Variants in CDC42BPA observed in about 807,000 individuals in gnomAD.
CDC42BPA encodes CDC42 binding protein kinase alpha.
Under a neutral mutation model 223.5 loss-of-function variants are expected in CDC42BPA, and 80 were observed. That is an observed-to-expected ratio of 0.36 (90% CI 0.30 to 0.43). The LOEUF is 0.43. Ranked by LOEUF, CDC42BPA falls within the 20% of genes least tolerant of loss-of-function variation. CDC42BPA has a pLI of 1.00. For missense variants in CDC42BPA, 1,743 were observed against 2,099.9 expected, an observed-to-expected ratio of 0.83 and a Z score of 3.32; for synonymous variants, 694 against 718.6, an observed-to-expected ratio of 0.97 and a Z score of 0.55.
intron 1 of CDC42BPA, among the ~76,000 whole-genome samples, chr1:227,289,388 T>C (rs542515953): frequency 3.3e-5 from 5 of 152,294 alleles, no homozygotes; most frequent in African/African-American, 1.2e-4. Flanking sequence ...TTACCCAAGA[T>C]AGTCACATGG....
At chr1:227,136,446 A>G (rs1350822695) in intron 10 of CDC42BPA, among the ~76,000 whole-genome samples, 5 of 152,220 alleles carry the variant, frequency 3.3e-5, no homozygotes, top group Non-Finnish European at 7.4e-5. Flanking sequence ...AGGAGAGGAG[A>G]AAGTGCATGA....
At chr1:227,203,747 C>T (rs1487195178) in intron 3 of CDC42BPA, among the ~76,000 whole-genome samples, 1 of 152,158 alleles carries the variant, frequency 6.6e-6, no homozygotes, top group African/African-American at 2.4e-5. Context: ...AACTGTTATA[C>T]AGTTTTCCTT....
chr1:227,106,690 T>C (rs564554108), intron 14 of CDC42BPA, among the ~76,000 whole-genome samples: 3 of 152,348 alleles, frequency 2.0e-5, no homozygotes, highest in African/African-American at 7.2e-5. Context: ...TTGAGTTTTA[T>C]AGTTGTAGCT....
At chr1:227,106,791 C>G (rs182424986) in intron 14 of CDC42BPA, among the ~76,000 whole-genome samples, 24 of 152,262 alleles carry the variant, frequency 1.6e-4, no homozygotes, top group African/African-American at 5.5e-4. Flanking sequence ...GGTTAATATT[C>G]AGTTGTCCCA....
chr1:227,082,443 G>A (rs1572691307), intron 16 of CDC42BPA, among the ~76,000 whole-genome samples: 2 of 151,790 alleles, frequency 1.3e-5, no homozygotes, highest in East Asian at 1.9e-4. Context: ...GGCTGGGCAC[G>A]GTGGCTCACA....
At chr1:227,059,644 G>A (rs1023854401) in intron 21 of CDC42BPA, among the ~76,000 whole-genome samples, 8 of 152,178 alleles carry the variant, frequency 5.3e-5, no homozygotes, top group African/African-American at 7.2e-5. Flanking sequence ...CATGTACAGT[G>A]ACCCACAAAA....
At chr1:227,173,903 T>C (rs750104525) in intron 5 of CDC42BPA, among the ~76,000 whole-genome samples, 4 of 152,132 alleles carry the variant, frequency 2.6e-5, no homozygotes, top group African/African-American at 7.2e-5. Flanking sequence ...GAACTTCCAA[T>C]TGGTGTCAGA....
intron 2 of CDC42BPA, among the ~76,000 whole-genome samples, chr1:227,221,603 T>G (rs768676545): frequency 1.2e-4 from 8 of 65,622 alleles, no homozygotes; most frequent in Admixed American, 8.2e-4. Flanking sequence ...AATAATAGGC[T>G]TTTTTTTTTT....
chr1:227,236,874 C>T (rs1679134256), intron 2 of CDC42BPA, among the ~76,000 whole-genome samples: 1 of 151,902 alleles, frequency 6.6e-6, no homozygotes, highest in Admixed American at 6.6e-5. Context: ...AAAACTCCAC[C>T]TCTACAAAAA....
At chr1:227,069,878 T>A (rs756901925) in intron 20 of CDC42BPA, 25 bp from the exon 21 acceptor site, 2 of 1,528,128 alleles carry the variant, frequency 1.3e-6, no homozygotes, top group East Asian at 2.3e-5. Context: ...CAACTTTTTT[T>A]AAGGCTACAA....
intron 35 of CDC42BPA, among the ~76,000 whole-genome samples, chr1:226,996,574 C>G (rs1273656269): frequency 2.0e-5 from 3 of 152,022 alleles, no homozygotes; most frequent in Non-Finnish European, 2.9e-5. Flanking sequence ...CCAGCTTTTG[C>G]CCATTCGGTA....
At chr1:227,009,925 A>G (rs1664838543) in intron 34 of CDC42BPA, among the ~76,000 whole-genome samples, 1 of 152,264 alleles carries the variant, frequency 6.6e-6, no homozygotes, top group Non-Finnish European at 1.5e-5. Flanking sequence ...CCCATCCTAC[A>G]GCTAATTTTC....
intron 11 of CDC42BPA, among the ~76,000 whole-genome samples, chr1:227,121,310 T>C (rs1391965045): frequency 1.3e-5 from 2 of 152,238 alleles, no homozygotes; most frequent in African/African-American, 2.4e-5. Context: ...TTGTTGAGAC[T>C]GATGCTTTCA....
At chr1:227,277,853 C>A (rs540097501) in intron 1 of CDC42BPA, among the ~76,000 whole-genome samples, 4 of 152,228 alleles carry the variant, frequency 2.6e-5, no homozygotes, top group South Asian at 4.1e-4. Flanking sequence ...TGGTTCACAT[C>A]ATTCTCCTGC....
At chr1:227,216,833 A>T (rs1219391917) in intron 2 of CDC42BPA, among the ~76,000 whole-genome samples, 1 of 152,200 alleles carries the variant, frequency 6.6e-6, no homozygotes, top group Non-Finnish European at 1.5e-5. Flanking sequence ...ATTTTTAAAA[A>T]CACTAGCAAT....
At chr1:227,180,472 C>T (rs1354988416) in intron 5 of CDC42BPA, 9 of 152,264 alleles carry the variant, frequency 5.9e-5, no homozygotes, top group Admixed American at 3.9e-4. Context: ...CCAGCAATGA[C>T]CCTTCTCAAT....
intron 14 of CDC42BPA, among the ~76,000 whole-genome samples, chr1:227,110,651 C>A (rs1686764349): frequency 6.6e-6 from 1 of 151,974 alleles, no homozygotes; most frequent in African/African-American, 2.4e-5. Flanking sequence ...TCCAAAGCAC[C>A]CAGAATAGTG....
At position 227,185,441 on chromosome 1, in the gene CDC42BPA, G is replaced by C. The variant is rs114541160; in HGVS notation, c.599+8345C>G. Among the ~76,000 whole-genome samples, 673 of 152,212 alleles carry C rather than the reference G, an allele frequency of 4.4e-3. 1 individual carries two copies. Among genetic ancestry groups the C allele is most frequent in the Middle Eastern group, 6.8e-3 (2 of 292 alleles). Reference sequence around the variant, plus strand: ...TATGGCTGCCCCTACATATCCCCACGTGTTTGGAACATCATGGTGCCCCGC... The same window carrying C: ...TATGGCTGCCCCTACATATCCCCACCTGTTTGGAACATCATGGTGCCCCGC... On this transcript the variant is annotated intron_variant, in intron 5 of 36. Coordinates refer to ENST00000366766, the MANE Select transcript of CDC42BPA (RefSeq NM_001394014.1).
chr1:227,116,771 T>A (rs1687841841), intron 12 of CDC42BPA, among the ~76,000 whole-genome samples: 1 of 152,168 alleles, frequency 6.6e-6, no homozygotes, highest in African/African-American at 2.4e-5. Context: ...AAGTAACTTA[T>A]AACTGATTTA....
Sources: gnomAD v4.1 joint callset for allele counts (sites outside exome capture counted in the v4.1 genomes callset) on GRCh38, gnomAD v4.1.1 for gene constraint, MANE v1.5 for transcripts, NCBI Gene and HGNC (gene_info 2026-07-23, HGNC 2026-07-21) for gene names.